GRIK1: variants seen among roughly 807,000 people sequenced by gnomAD.
GRIK1 encodes glutamate receptor ionotropic, kainate 1.
A neutral mutation model predicts 105.7 loss-of-function variants in GRIK1; 69 were observed. The observed-to-expected ratio is 0.65, with a 90% CI of 0.54 to 0.80. The LOEUF (loss-of-function observed/expected upper bound fraction) is 0.80, where lower values mean the gene tolerates loss of function less well. Ranked by LOEUF, GRIK1 falls within the 30% of genes least tolerant of loss-of-function variation. GRIK1 has a pLI of 0.00. For missense variants in GRIK1, 1,109 were observed against 1,167.3 expected (o/e 0.95, Z 0.73); for synonymous variants, 438 against 431.3 (o/e 1.02, Z -0.19).
At chr21:29,714,907 G>A (rs546297361) in intron 1 of GRIK1, among the ~76,000 whole-genome samples, 8 of 152,276 alleles carry the variant, frequency 5.3e-5, no homozygotes, top group Admixed American at 3.3e-4. Context: ...AAAGCATTTT[G>A]TAAGCATTGT....
intron 1 of GRIK1, among the ~76,000 whole-genome samples, chr21:29,796,767 G>T (rs1325868726): frequency 6.6e-6 from 1 of 152,014 alleles, no homozygotes. Context: ...TGGCCAACAT[G>T]GTGAAACCCC....
At chr21:29,627,275 G>A (rs897285081) in intron 7 of GRIK1, among the ~76,000 whole-genome samples, 3 of 152,050 alleles carry the variant, frequency 2.0e-5, no homozygotes, top group Admixed American at 6.6e-5. Context: ...TTTTACTTAC[G>A]TTTGAATTCC....
chr21:29,867,865 A>AAAGAAAGAAAGAAG (rs1177853109), intron 1 of GRIK1, among the ~76,000 whole-genome samples: 98 of 70,146 alleles, frequency 1.4e-3, no homozygotes, highest in African/African-American at 4.9e-3. Context: ...AGAAAGAGAG[A>AAAGAAAGAAAGAAG]GAAAGAGAGA....
At chr21:29,592,746 G>A (rs1472086333) in intron 9 of GRIK1, among the ~76,000 whole-genome samples, 1 of 152,198 alleles carries the variant, frequency 6.6e-6, no homozygotes, top group East Asian at 1.9e-4. Flanking sequence ...ATAGTAACAA[G>A]AAAGGACATT....
At chr21:29,751,814 C>T (rs573205483) in intron 1 of GRIK1, among the ~76,000 whole-genome samples, 3 of 152,292 alleles carry the variant, frequency 2.0e-5, no homozygotes, top group Non-Finnish European at 4.4e-5. Flanking sequence ...TTCTAATGTA[C>T]ATTTGCATTA....
chr21:29,607,656 T>C (rs924235843), intron 7 of GRIK1, among the ~76,000 whole-genome samples: 1 of 152,126 alleles, frequency 6.6e-6, no homozygotes, highest in Non-Finnish European at 1.5e-5. Flanking sequence ...TTTTTAAAAA[T>C]TAGCTTAAAT....
chr21:29,559,997 C>G (rs558704265), intron 15 of GRIK1, among the ~76,000 whole-genome samples: 1 of 152,272 alleles, frequency 6.6e-6, no homozygotes, highest in South Asian at 2.1e-4. Flanking sequence ...CTTATGGTAT[C>G]TGCTTGGCCT....
At chr21:29,790,555 A>G (rs1185903966) in intron 1 of GRIK1, among the ~76,000 whole-genome samples, 1 of 151,860 alleles carries the variant, frequency 6.6e-6, no homozygotes, top group Non-Finnish European at 1.5e-5. Flanking sequence ...TTCCAGGCTC[A>G]GGTGACTCTC....
At chr21:29,573,395 G>A (rs1223465512) in intron 14 of GRIK1, among the ~76,000 whole-genome samples, 1 of 152,176 alleles carries the variant, frequency 6.6e-6, no homozygotes, top group Non-Finnish European at 1.5e-5. Context: ...GGAAAAAGGA[G>A]AACCCGCTCT....
At chr21:29,748,094 AT>A (rs2065091348) in intron 1 of GRIK1, 1 of 152,166 alleles carries the variant, frequency 6.6e-6, no homozygotes, top group South Asian at 2.1e-4. Flanking sequence ...TTAAGTATTC[AT>A]TTAAGTTCTT....
intron 1 of GRIK1, among the ~76,000 whole-genome samples, chr21:29,729,251 G>T (rs896385202): frequency 6.6e-6 from 1 of 152,160 alleles, no homozygotes; most frequent in Non-Finnish European, 1.5e-5. Flanking sequence ...TTTGGTGAAT[G>T]GTTGAGGCTG....
At chr21:29,724,510 T>A (rs2064404110) in intron 1 of GRIK1, among the ~76,000 whole-genome samples, 1 of 152,208 alleles carries the variant, frequency 6.6e-6, no homozygotes, top group Non-Finnish European at 1.5e-5. Context: ...TATAGAAGTG[T>A]TAAAATATGC....
chr21:29,687,922 G>A (rs896036592), intron 3 of GRIK1, among the ~76,000 whole-genome samples: 1 of 152,198 alleles, frequency 6.6e-6, no homozygotes, highest in East Asian at 1.9e-4. Flanking sequence ...TAGAAATGGT[G>A]AGAGATGATT....
intron 1 of GRIK1, chr21:29,861,575 G>GAACCAACACTT (rs371906648): frequency 8.8e-5 from 30 of 340,208 alleles, no homozygotes; most frequent in Admixed American, 2.2e-4. Context: ...CCCAAAGTGT[G>GAACCAACACTT]GGATTATAGG....
chr21:29,880,827 G>A (rs2223023), intron 1 of GRIK1, among the ~76,000 whole-genome samples: 11,422 of 152,110 alleles, frequency 0.075, 1,137 homozygotes, highest in African/African-American at 0.23. Flanking sequence ...GCCCAACCAT[G>A]GGTTTATGAC....
At position 29,580,037 on chromosome 21, in the gene GRIK1, G is replaced by A. The variant is rs1231104663; in HGVS notation, c.1912+1388C>T. Among the ~76,000 whole-genome samples, 876 of 139,634 alleles carry A rather than the reference G, an allele frequency of 6.3e-3. 12 individuals are homozygous for A. Among genetic ancestry groups the A allele is most frequent in the African/African-American group, 0.023 (829 of 36,156 alleles). The allele number at this position is 139,634 out of a possible 152,430, so 91.6% of individuals were successfully genotyped here. ...TATATGTGTATATATGTATATATGT[G>A]TATATATGTATATATGTATATATAT... On this transcript the variant is annotated intron_variant, in intron 13 of 17. Coordinates refer to ENST00000327783, the MANE Select transcript of GRIK1 (RefSeq NM_001330994.2).
intron 1 of GRIK1, among the ~76,000 whole-genome samples, chr21:29,820,735 G>A (rs575686732): frequency 6.6e-6 from 1 of 152,076 alleles, no homozygotes; most frequent in South Asian, 2.1e-4. Context: ...TAATAGGTAT[G>A]ATTATTAAAA....
At chr21:29,696,101 A>G (rs1485173799) in intron 1 of GRIK1, among the ~76,000 whole-genome samples, 3 of 152,230 alleles carry the variant, frequency 2.0e-5, no homozygotes, top group Admixed American at 6.5e-5. Flanking sequence ...ACTTTATTAA[A>G]TAACTAACTA....
At chr21:29,887,549 A>G (rs1223332734) in intron 1 of GRIK1, among the ~76,000 whole-genome samples, 1 of 152,160 alleles carries the variant, frequency 6.6e-6, no homozygotes, top group African/African-American at 2.4e-5. Flanking sequence ...GTGCTAGACT[A>G]CTGATAACAA....
Sources: allele counts gnomAD v4.1 joint callset (sites outside exome capture counted in the v4.1 genomes callset), GRCh38; gene constraint gnomAD v4.1.1; transcripts MANE v1.5; gene names NCBI Gene and HGNC (gene_info 2026-07-23, HGNC 2026-07-21).